COL23A1: variants seen among roughly 807,000 people sequenced by gnomAD.
COL23A1 encodes collagen type XXIII alpha 1 chain.
In COL23A1, 97 loss-of-function variants were observed where a neutral mutation model predicts 99.3. The observed-to-expected ratio is 0.98, with a 90% CI of 0.83 to 1.16. The LOEUF (loss-of-function observed/expected upper bound fraction) is 1.16. COL23A1 is among the 50% of genes most tolerant of loss of function. The pLI is 0.00. For synonymous variants in COL23A1, 320 were observed against 308.2 expected (o/e 1.04, Z -0.40); for missense variants, 762 against 757.4 (o/e 1.01, Z -0.07).
intron 2 of COL23A1, among the ~76,000 whole-genome samples, chr5:178,528,988 G>A (rs535547122): frequency 5.3e-5 from 8 of 152,354 alleles, no homozygotes; most frequent in Non-Finnish European, 8.8e-5. Flanking sequence ...AAATTCAGTG[G>A]CCTAAAGCAT....
chr5:178,352,158 G>A (rs1235834879), intron 2 of COL23A1: 2 of 152,220 alleles, frequency 1.3e-5, no homozygotes, highest in Non-Finnish European at 2.9e-5. Context: ...CTGTGAGGGG[G>A]GCATCGTCCT....
intron 2 of COL23A1, among the ~76,000 whole-genome samples, chr5:178,528,702 C>T (rs1459089218): frequency 7.2e-5 from 11 of 152,166 alleles, no homozygotes; most frequent in Non-Finnish European, 1.3e-4. Flanking sequence ...CCCAGATACT[C>T]GGGAGGTTGA....
chr5:178,286,834 A>T (rs1400740969), intron 5 of COL23A1, among the ~76,000 whole-genome samples: 4 of 152,178 alleles, frequency 2.6e-5, no homozygotes, highest in African/African-American at 7.2e-5. Context: ...CTGGTGGGGA[A>T]CGGACCGGAC....
intron 3 of COL23A1, among the ~76,000 whole-genome samples, chr5:178,305,677 G>C (rs1758312861): frequency 6.6e-6 from 1 of 152,136 alleles, no homozygotes; most frequent in African/African-American, 2.4e-5. Context: ...TTCTGGGTGC[G>C]GGAAGACATA....
chr5:178,415,601 G>C lies in COL23A1; in HGVS notation c.362-108682C>G, dbSNP rs73350814. On this transcript the variant is annotated intron_variant, in intron 2 of 28. Transcript: ENST00000390654. The surrounding 1 kb of genome is among the most constrained non-coding windows in gnomAD (Gnocchi z 4.6). Reference sequence around the variant, plus strand: ...TCCAATGTGCTGACTGCTGGCACCAGAGGACAGTGCTGCCCCCATCCCGCC... The same window carrying C: ...TCCAATGTGCTGACTGCTGGCACCACAGGACAGTGCTGCCCCCATCCCGCC... 1.0e-3 allele frequency among the ~76,000 whole-genome samples: 158 copies of C among 152,306 alleles called. No individual in the cohort carries two copies. The highest frequency in any genetic ancestry group is 3.6e-3 in the African/African-American group (150 of 41,572).
At chr5:178,532,786 C>T (rs1224007000) in intron 2 of COL23A1, among the ~76,000 whole-genome samples, 1 of 152,104 alleles carries the variant, frequency 6.6e-6, no homozygotes, top group African/African-American at 2.4e-5. Context: ...GGATTTGGGT[C>T]ATTACAAGAA....
chr5:178,383,419 T>C (rs1200327094), intron 2 of COL23A1, among the ~76,000 whole-genome samples: 1 of 152,218 alleles, frequency 6.6e-6, no homozygotes, highest in Non-Finnish European at 1.5e-5. Context: ...GGTGGCTCCC[T>C]TGGTCCAGCT....
intron 2 of COL23A1, among the ~76,000 whole-genome samples, chr5:178,559,201 T>G (rs1313799525): frequency 6.6e-6 from 1 of 152,206 alleles, no homozygotes; most frequent in African/African-American, 2.4e-5. Context: ...AACCATAAAA[T>G]TCTTCTCCCA....
chr5:178,366,855 C>A lies in COL23A1; in HGVS notation c.362-59936G>T, dbSNP rs561681829. Among the ~76,000 whole-genome samples, 1 of 152,344 alleles carries A rather than the reference C, an allele frequency of 6.6e-6. No individual in the cohort carries two copies. The highest frequency in any genetic ancestry group is 6.5e-5 in the Admixed American group (1 of 15,306). On this transcript the variant is annotated intron_variant, in intron 2 of 28. Transcript: ENST00000390654. This position sits in a 1 kb window ranked among gnomAD's most constrained non-coding sequence, Gnocchi z 4.4. ...CCTTCACCCAGGAAGCAGGGTCCTG[C>A]CCTCCTCTGCAGCCCCACGTGGCCC...
At chr5:178,316,418 T>G (rs1262870853) in intron 2 of COL23A1, among the ~76,000 whole-genome samples, 1 of 152,216 alleles carries the variant, frequency 6.6e-6, no homozygotes, top group Non-Finnish European at 1.5e-5. Context: ...ATACAGAGTT[T>G]TAACGAAATT....
chr5:178,306,857 A>G lies in COL23A1; in HGVS notation c.406+18T>C. The G allele has an allele frequency of 4.0e-6, 6 of 1,490,554 alleles. No individual in the cohort carries two copies. The highest frequency in any genetic ancestry group is 5.4e-6 in the Non-Finnish European group (6 of 1,117,426). 92.3% of individuals were successfully genotyped at this position (1,490,554 alleles called of 1,614,324 possible). A position where few individuals can be genotyped will look rare whatever the true frequency, so the allele number is the denominator to read the frequency against. On this transcript the variant is annotated intron_variant, in intron 3 of 28. Transcript: ENST00000390654. This position sits in a 1 kb window ranked among gnomAD's most constrained non-coding sequence, Gnocchi z 4.1. ...CTTCCAAGCCTTGGCTTAGGAGCTG[A>G]GAAAACCTGGGACTCACCAGGGTCG...
chr5:178,523,483 A>G (rs1760135455), intron 2 of COL23A1: 1 of 150,318 alleles, frequency 6.7e-6, no homozygotes, highest in African/African-American at 2.4e-5. Flanking sequence ...GATGTGCACA[A>G]GTTCTGAGCA....
chr5:178,546,540 G>C (rs546790416), intron 2 of COL23A1, among the ~76,000 whole-genome samples: 1 of 152,152 alleles, frequency 6.6e-6, no homozygotes, highest in Non-Finnish European at 1.5e-5. Context: ...GAGCTGCCTC[G>C]TCCTGACACT....
intron 2 of COL23A1, among the ~76,000 whole-genome samples, chr5:178,412,079 A>G (rs1474947226): frequency 2.0e-5 from 3 of 152,246 alleles, no homozygotes; most frequent in South Asian, 2.1e-4. Flanking sequence ...TAACTGTAAC[A>G]TTGTATATAA....
chr5:178,427,360 C>A (rs748667688), intron 2 of COL23A1, among the ~76,000 whole-genome samples: 1 of 152,190 alleles, frequency 6.6e-6, no homozygotes, highest in Admixed American at 6.5e-5. Context: ...TACAGCTTAG[C>A]AGTTTCTTAC....
intron 2 of COL23A1, among the ~76,000 whole-genome samples, chr5:178,502,852 C>T (rs1397393735): frequency 6.6e-6 from 1 of 152,148 alleles, no homozygotes; most frequent in African/African-American, 2.4e-5. Context: ...TGGAAATACC[C>T]GAAGTCCACC....
chr5:178,508,654 A>C (rs1378906647), intron 2 of COL23A1, among the ~76,000 whole-genome samples: 1 of 152,112 alleles, frequency 6.6e-6, no homozygotes, highest in Non-Finnish European at 1.5e-5. Context: ...CTATCTCCTC[A>C]CTACTGATAC....
chr5:178,551,358 TAGACTC>T (rs1761996579), intron 2 of COL23A1, among the ~76,000 whole-genome samples: 1 of 152,056 alleles, frequency 6.6e-6, no homozygotes, highest in Non-Finnish European at 1.5e-5. Flanking sequence ...TTATAATTGA[TAGACTC>T]AGGTGGTTAA....
chr5:178,536,333 C>G (rs1760960396), intron 2 of COL23A1, among the ~76,000 whole-genome samples: 1 of 152,232 alleles, frequency 6.6e-6, no homozygotes, highest in South Asian at 2.1e-4. Flanking sequence ...GTGGAAAGCC[C>G]CAGTGGGGCT....
Sources: gnomAD v4.1 joint callset for allele counts (sites outside exome capture counted in the v4.1 genomes callset) on GRCh38, gnomAD v4.1.1 for gene constraint, Gnocchi (gnomAD v3.1) non-coding constraint, MANE v1.5 for transcripts, NCBI Gene and HGNC (gene_info 2026-07-23, HGNC 2026-07-21) for gene names.